The following SLC35E2B variants were observed in gnomAD, a reference collection of about 807,000 sequenced individuals.
The protein encoded by SLC35E2B is solute carrier family 35 member E2B, also known as solute carrier family 35, member E2B.
In SLC35E2B, 18 loss-of-function variants were observed where a neutral mutation model predicts 32.4. That is an observed-to-expected ratio of 0.56 (90% CI 0.38 to 0.82). The LOEUF is 0.82. SLC35E2B is among the 40% of genes least tolerant of loss of function. The probability of loss-of-function intolerance (pLI) is 0.00; values close to 1 mark genes in which losing one functional copy is unlikely to be tolerated. For missense variants in SLC35E2B, 263 were observed against 469.5 expected, an observed-to-expected ratio of 0.56 and a Z score of 4.06; for synonymous variants, 132 against 209.1, an observed-to-expected ratio of 0.63 and a Z score of 3.18.
At chr1:1,687,021 A>C (rs1643959315) in intron 2 of SLC35E2B, among the ~76,000 whole-genome samples, 1 of 152,104 alleles carries the variant, frequency 6.6e-6, no homozygotes, top group Non-Finnish European at 1.5e-5. Flanking sequence ...GTGCCACTGC[A>C]CTCCAGCCTG....
chr1:1,672,498 C>T (rs1643723527), intron 5 of SLC35E2B: 1 of 152,208 alleles, frequency 6.6e-6, no homozygotes, highest in Admixed American at 6.5e-5. Context: ...CTGGTCTCGG[C>T]CTCTGCTGGA....
chr1:1,686,319 T>C (rs1256701698), intron 2 of SLC35E2B, among the ~76,000 whole-genome samples: 4 of 126,642 alleles, frequency 3.2e-5, no homozygotes, highest in African/African-American at 6.4e-5. Flanking sequence ...TTCTTTTTTT[T>C]TCTTTTTTTT....
chr1:1,664,067 C>T lies in SLC35E2B; in HGVS notation c.*1715G>A. 1 of 412,700 alleles carries T rather than the reference C, an allele frequency of 2.4e-6. No individual in the cohort carries two copies. Among genetic ancestry groups the T allele is most frequent in the Non-Finnish European group, 3.3e-6 (1 of 306,390 alleles). The allele number at this position is 412,700 out of a possible 1,614,324, so 25.6% of individuals were successfully genotyped here. On this transcript the variant is annotated 3_prime_UTR_variant, in exon 10 of 10. Transcript: ENST00000617444. ...GCATGGTGGCACGTGCCTGTGGTTCCAGCCACATGGGAGGCTGAGGTGGGA... is the reference window on the plus strand; with the variant it reads ...GCATGGTGGCACGTGCCTGTGGTTCTAGCCACATGGGAGGCTGAGGTGGGA...
intron 2 of SLC35E2B, among the ~76,000 whole-genome samples, chr1:1,690,051 G>A (rs1268845905): frequency 2.0e-5 from 3 of 150,422 alleles, no homozygotes; most frequent in African/African-American, 4.9e-5. Flanking sequence ...GGAGGCTGAG[G>A]TGGGTGGATC....
chr1:1,685,993 A>G (rs1166986793), intron 2 of SLC35E2B, among the ~76,000 whole-genome samples: 2 of 144,432 alleles, frequency 1.4e-5, no homozygotes, highest in Admixed American at 7.0e-5. Context: ...CACCACGCCC[A>G]GTGAATTTTT....
chr1:1,671,928 C>T (rs980968951), intron 5 of SLC35E2B: 2 of 244,878 alleles, frequency 8.2e-6, no homozygotes, highest in Non-Finnish European at 1.6e-5. Context: ...TGTGAACGCT[C>T]CTGTGAAACG....
At position 1,671,346 on chromosome 1, in the gene SLC35E2B, C is replaced by T. The variant is rs1240390857; in HGVS notation, c.707+163G>A. The T allele has an allele frequency of 2.1e-5, 17 of 796,334 alleles. No individual in the cohort carries two copies. The South Asian group carries it at 5.5e-4, about 26-fold the overall frequency. The allele number at this position is 796,334 out of a possible 1,614,324, so 49.3% of individuals were successfully genotyped here. A position where few individuals can be genotyped will look rare whatever the true frequency, so the allele number is the denominator to read the frequency against. On this transcript the variant is annotated intron_variant, in intron 6 of 9. Transcript: ENST00000617444. ...TTCGGCTTATTTTTGAGAAACTTAC[C>T]TGCCGGGGATACCTGTTGTTTTGCT... is the stretch of plus-strand genomic sequence containing the variant.
intron 2 of SLC35E2B, among the ~76,000 whole-genome samples, chr1:1,683,706 C>G (rs76275091): frequency 6.6e-6 from 1 of 151,936 alleles, no homozygotes; most frequent in African/African-American, 2.4e-5. Flanking sequence ...ACCAGTCCCC[C>G]CTACCCCCGC....
At chr1:1,678,642 C>T (rs1208883729) in intron 2 of SLC35E2B, among the ~76,000 whole-genome samples, 1 of 152,114 alleles carries the variant, frequency 6.6e-6, no homozygotes, top group Non-Finnish European at 1.5e-5. Flanking sequence ...CACCAGTTCC[C>T]ACAGCCTCGG....
At chr1:1,678,887 G>A (rs562081060) in intron 2 of SLC35E2B, among the ~76,000 whole-genome samples, 3 of 152,174 alleles carry the variant, frequency 2.0e-5, no homozygotes, top group Non-Finnish European at 1.5e-5. Context: ...GCCCTGGCTG[G>A]GGGTGGAGCA....
intron 2 of SLC35E2B, among the ~76,000 whole-genome samples, chr1:1,689,609 A>C (rs1643995683): frequency 6.6e-6 from 1 of 151,586 alleles, no homozygotes; most frequent in Admixed American, 6.6e-5. Flanking sequence ...AATTTCTCTA[A>C]CCAAACCCCA....
chr1:1,670,896 G>A (rs1221350052), intron 6 of SLC35E2B: 1 of 152,228 alleles, frequency 6.6e-6, no homozygotes. Context: ...CGGGGCTGGA[G>A]TGTGGCCATT....
In SLC35E2B at chr1:1,671,584, G is replaced by A. The variant is rs1428498317; in HGVS notation, c.632C>T (p.Ala211Val). 17 of 1,548,970 alleles carry A rather than the reference G, an allele frequency of 1.1e-5. 1 individual carries two copies. Among genetic ancestry groups the A allele is most frequent in the African/African-American group, 1.4e-5 (1 of 72,892 alleles). Reference protein sequence around the residue: ...LSLIPVMGGLALCTATEISFN... With the variant: ...LSLIPVMGGLVLCTATEISFN... ...GCTGATCTCAGTGGCCGTGCACAGC[G>A]CCAGCCCGCCCATGACTGGGATGAG... The change falls in exon 6 of 10, where the codon GCG becomes GTG. Residue 211 changes from alanine (A) to valine (V), a missense_variant. Coordinates refer to ENST00000617444, the MANE Select transcript of SLC35E2B (RefSeq NM_001290264.2).
intron 2 of SLC35E2B, among the ~76,000 whole-genome samples, chr1:1,683,053 G>A (rs970823216): frequency 4.6e-5 from 7 of 151,732 alleles, no homozygotes; most frequent in Non-Finnish European, 8.8e-5. Flanking sequence ...CTCCAGCCTG[G>A]GGGACAGAGC....
intron 2 of SLC35E2B, among the ~76,000 whole-genome samples, chr1:1,687,646 A>C (rs1202137131): frequency 6.6e-6 from 1 of 151,830 alleles, no homozygotes; most frequent in Non-Finnish European, 1.5e-5. Context: ...GAGGCAGGAG[A>C]ATCTCTTGAA....
rs200687631 is a variant in SLC35E2B, at chr1:1,671,572, G to A, written c.644C>T (p.Ala215Val). The change falls in exon 6 of 10, where the codon GCC (alanine) becomes GTC (valine). Residue 215 changes from alanine (A) to valine (V), a missense_variant. Transcript: ENST00000617444. Reference protein sequence around the residue: ...PVMGGLALCTATEISFNVLGF... With the variant: ...PVMGGLALCTVTEISFNVLGF... The stretch of plus-strand genomic sequence containing the variant: ...CAGGACATTGAAGCTGATCTCAGTG[G>A]CCGTGCACAGCGCCAGCCCGCCCAT... 1.1e-5 allele frequency: 17 copies of A among 1,549,602 alleles called. No individual in the cohort carries two copies. The highest frequency in any genetic ancestry group is 1.5e-5 in the Non-Finnish European group (17 of 1,146,158).
At chr1:1,685,986 C>A (rs1441358712) in intron 2 of SLC35E2B, among the ~76,000 whole-genome samples, 3 of 150,792 alleles carry the variant, frequency 2.0e-5, no homozygotes, top group Non-Finnish European at 3.0e-5. Context: ...CACCCGCCAC[C>A]ACGCCCAGTG....
At chr1:1,669,596 T>G in intron 8 of SLC35E2B, 68 bp downstream of exon 8, 1 of 1,432,088 alleles carries the variant, frequency 7.0e-7, no homozygotes, top group Non-Finnish European at 9.4e-7. Flanking sequence ...CGGAAGTCAT[T>G]CTGCTCCTGA....
rs1457932762 is a variant in SLC35E2B at position 1,690,308 on chromosome 1, ATAT to A, written c.-148+665_-148+667del. Among the ~76,000 whole-genome samples, 778 of 138,812 alleles carry A rather than the reference ATAT, an allele frequency of 5.6e-3. 18 individuals carry two copies. Among genetic ancestry groups the A allele is most frequent in the African/African-American group, 0.019 (711 of 37,906 alleles). The allele number at this position is 138,812 out of a possible 152,430, so 91.1% of individuals were successfully genotyped here. A position where few individuals can be genotyped will look rare whatever the true frequency, so the allele number is the denominator to read the frequency against. On this transcript the variant is annotated intron_variant, in intron 2 of 9. Transcript: ENST00000617444. Reference sequence around the variant, plus strand: ...AAAAAAAAAAAAGAAACAAAAAAAAATATATATATATATATACATACCATAAAG... The same window carrying A: ...AAAAAAAAAAAAGAAACAAAAAAAAAATATATATATATACATACCATAAAG...
Sources: allele counts gnomAD v4.1 joint callset (sites outside exome capture counted in the v4.1 genomes callset), GRCh38; gene constraint gnomAD v4.1.1; transcripts MANE v1.5; gene names NCBI Gene and HGNC (gene_info 2026-07-23, HGNC 2026-07-21).